The following FOXO1 variants were observed in gnomAD, a reference collection of about 807,000 sequenced individuals.
The protein encoded by FOXO1 is forkhead box protein O1.
Under a neutral mutation model 44.1 loss-of-function variants are expected in FOXO1, and 6 were observed. That is an observed-to-expected ratio of 0.14 (90% CI 0.07 to 0.27). The LOEUF is 0.27. FOXO1 is among the 10% of genes least tolerant of loss of function. The pLI is 1.00. For synonymous variants in FOXO1, 380 were observed against 362.7 expected, an observed-to-expected ratio of 1.05 and a Z score of -0.54; for missense variants, 737 against 888.8, an observed-to-expected ratio of 0.83 and a Z score of 2.17.
chr13:40,573,927 C>T (rs981005673), intron 1 of FOXO1, among the ~76,000 whole-genome samples: 1 of 152,204 alleles, frequency 6.6e-6, no homozygotes, highest in African/African-American at 2.4e-5. Flanking sequence ...CTCAAACCAA[C>T]AGAAAATTAG....
intron 1 of FOXO1, among the ~76,000 whole-genome samples, chr13:40,635,635 T>C (rs887291668): frequency 6.6e-6 from 1 of 152,128 alleles, no homozygotes; most frequent in Non-Finnish European, 1.5e-5. Context: ...CAGAGGAAAA[T>C]TGAGATGTCA....
At chr13:40,564,243 G>A (rs78372177) in intron 1 of FOXO1, among the ~76,000 whole-genome samples, 10,072 of 150,370 alleles carry the variant, frequency 0.067, 466 homozygotes, top group Non-Finnish European at 0.11. Flanking sequence ...TTCAAGAAGC[G>A]TTCACTAACT....
chr13:40,645,080 T>G (rs1341610735), intron 1 of FOXO1, among the ~76,000 whole-genome samples: 2 of 152,216 alleles, frequency 1.3e-5, no homozygotes, highest in Admixed American at 6.5e-5. Context: ...GAAATGGCTA[T>G]GACTTCTTAC....
Position 40,560,248 on chromosome 13 carries a change from T to C in FOXO1, c.1243A>G (p.Asn415Asp). The change falls in exon 2 of 3, where the codon AAT (asparagine) becomes GAT (aspartate). Residue 415 changes from asparagine (N) to aspartate (D), a missense_variant. By Grantham distance (23) the Asn-to-Asp change is conservative. Around this residue, in one of 7 missense-constraint regions of FOXO1, gnomAD observed 283 missense variants for 278.1 expected, o/e 1.02. Transcript: ENST00000379561. The surrounding 1 kb of genome is among the most constrained non-coding windows in gnomAD (Gnocchi z 5.1). ...TTTTGGTAGTTTGGGCTGGGTGAAT[T>C]CAAACTGGTGTTTGGTGGCGCAAAC... ...YSFAPPNTSL[N>D]SPSPNYQKYT... 6.2e-7 allele frequency: 1 copy of C among 1,614,230 alleles called. No individual in the cohort carries two copies. Among genetic ancestry groups the C allele is most frequent in the Non-Finnish European group, 8.5e-7 (1 of 1,180,044 alleles).
chr13:40,606,482 T>C (rs1355337630), intron 1 of FOXO1, among the ~76,000 whole-genome samples: 1 of 152,010 alleles, frequency 6.6e-6, no homozygotes, highest in Non-Finnish European at 1.5e-5. Context: ...CTGGCTAATT[T>C]TTGTATTTTT....
chr13:40,563,325 T>C (rs938817384), intron 1 of FOXO1, among the ~76,000 whole-genome samples: 1 of 151,992 alleles, frequency 6.6e-6, no homozygotes, highest in African/African-American at 2.4e-5. Context: ...AGAGAGAAAA[T>C]GGAGGGGTCT....
chr13:40,659,332 G>T (rs200232251), intron 1 of FOXO1, among the ~76,000 whole-genome samples: 1 of 100,908 alleles, frequency 9.9e-6, no homozygotes, highest in Admixed American at 9.9e-5. Context: ...AAAAAAAAAA[G>T]AAAAGAAAAG....
At chr13:40,589,983 G>A (rs1489137088) in intron 1 of FOXO1, among the ~76,000 whole-genome samples, 1 of 152,192 alleles carries the variant, frequency 6.6e-6, no homozygotes, top group Non-Finnish European at 1.5e-5. Flanking sequence ...TCACTCTGTT[G>A]ACATAATTTG....
intron 1 of FOXO1, among the ~76,000 whole-genome samples, chr13:40,649,152 T>C (rs151293837): frequency 1.0e-3 from 157 of 152,268 alleles, no homozygotes; most frequent in East Asian, 6.7e-3. Flanking sequence ...ACAAGCCTCA[T>C]AGGGCACATG....
chr13:40,566,330 T>A (rs1479907399), intron 1 of FOXO1, among the ~76,000 whole-genome samples: 1 of 151,686 alleles, frequency 6.6e-6, no homozygotes, highest in African/African-American at 2.4e-5. Context: ...AAGGCAATCA[T>A]CAGCCACTGA....
intron 1 of FOXO1, among the ~76,000 whole-genome samples, chr13:40,642,346 A>G (rs192771420): frequency 8.8e-4 from 134 of 152,314 alleles, no homozygotes; most frequent in Middle Eastern, 3.4e-3. Flanking sequence ...AAAAATGGGC[A>G]TTCCCTCAAC....
At chr13:40,627,433 T>C (rs1237495041) in intron 1 of FOXO1, among the ~76,000 whole-genome samples, 1 of 152,212 alleles carries the variant, frequency 6.6e-6, no homozygotes, top group African/African-American at 2.4e-5. Context: ...ATGCACTGTA[T>C]AACCCTGTAC....
intron 1 of FOXO1, among the ~76,000 whole-genome samples, chr13:40,665,236 G>C (rs952065540): frequency 6.6e-6 from 1 of 152,058 alleles, no homozygotes; most frequent in African/African-American, 2.4e-5. Flanking sequence ...AGCCGAAGCA[G>C]TCGGCGCGGG....
rs368023041 is a variant in FOXO1 at position 40,637,688 on chromosome 13, AC to A, written c.630+27894del. Among the ~76,000 whole-genome samples the A allele has an allele frequency of 5.5e-4, 83 of 152,286 alleles. 1 individual carries two copies. The East Asian group carries it at 9.6e-3, about 18-fold the overall frequency. ...TTTTATGTTTTGTTCAATTCTCACA[AC>A]AACCTATAAGAGTTACTATTTACAT... On this transcript the variant is annotated intron_variant, in intron 1 of 2. Coordinates refer to ENST00000379561, the MANE Select transcript of FOXO1 (RefSeq NM_002015.4).
chr13:40,614,896 C>G (rs1876367128), intron 1 of FOXO1, among the ~76,000 whole-genome samples: 1 of 152,178 alleles, frequency 6.6e-6, no homozygotes, highest in Admixed American at 6.5e-5. Flanking sequence ...TCATCCCTTC[C>G]TATCTTGAAA....
intron 1 of FOXO1, among the ~76,000 whole-genome samples, chr13:40,610,567 G>C (rs1233922515): frequency 6.6e-6 from 1 of 152,200 alleles, no homozygotes; most frequent in African/African-American, 2.4e-5. Context: ...TTTCCATCCT[G>C]ATGGAGGAAA....
chr13:40,572,404 G>T (rs1874564872), intron 1 of FOXO1, among the ~76,000 whole-genome samples: 3 of 121,404 alleles, frequency 2.5e-5, no homozygotes, highest in African/African-American at 1.1e-4. Flanking sequence ...AGATTTATGT[G>T]TTTTTTCTAT....
rs373160242 is a variant in FOXO1, at chr13:40,600,984, G to A, written c.631-40124C>T. On this transcript the variant is annotated intron_variant, in intron 1 of 2. Transcript: ENST00000379561. ...TGGAAAAACATAAAACCTGAGATCAGGGTTTGCAGTTAATGTATGTTTGGA... is the reference window on the plus strand; with the variant it reads ...TGGAAAAACATAAAACCTGAGATCAAGGTTTGCAGTTAATGTATGTTTGGA... Among the ~76,000 whole-genome samples, 122 of 152,280 alleles carry A rather than the reference G, an allele frequency of 8.0e-4. 4 individuals carry two copies. The South Asian group carries it at 0.024, about 29-fold the overall frequency.
chr13:40,657,396 G>A (rs1593418317), intron 1 of FOXO1, among the ~76,000 whole-genome samples: 1 of 142,380 alleles, frequency 7.0e-6, no homozygotes, highest in African/African-American at 2.7e-5. Context: ...TCGGCTAACC[G>A]CAACCTCCAC....
Sources: allele counts gnomAD v4.1 joint callset (sites outside exome capture counted in the v4.1 genomes callset), GRCh38; gene constraint gnomAD v4.1.1; regional missense constraint gnomAD v4.1.1; non-coding constraint Gnocchi (gnomAD v3.1); transcripts MANE v1.5; gene names NCBI Gene and HGNC (gene_info 2026-07-23, HGNC 2026-07-21).